RYR3: variants seen among roughly 807,000 people sequenced by gnomAD.
RYR3 encodes the protein brain ryanodine receptor-calcium release channel.
Under a neutral mutation model 584.3 loss-of-function variants are expected in RYR3, and 207 were observed. That is an observed-to-expected ratio of 0.35 (90% CI 0.32 to 0.40). The LOEUF is 0.40. RYR3 is among the 10% of genes least tolerant of loss of function. The probability of loss-of-function intolerance (pLI) is 1.00; values close to 1 mark genes in which losing one functional copy is unlikely to be tolerated. For synonymous variants in RYR3, 2,416 were observed against 2,248.5 expected (o/e 1.07, Z -2.11); for missense variants, 5,616 against 6,089.2 (o/e 0.92, Z 2.59).
chr15:33,720,941 C>G (rs2067861068), intron 43 of RYR3, among the ~76,000 whole-genome samples: 1 of 152,124 alleles, frequency 6.6e-6, no homozygotes, highest in African/African-American at 2.4e-5. Flanking sequence ...TTAAATAGAA[C>G]TTAAACTGCT....
intron 87 of RYR3, 73 bp from the exon 88 acceptor site, chr15:33,836,833 C>T: frequency 2.5e-6 from 3 of 1,196,762 alleles, no homozygotes; most frequent in African/African-American, 1.5e-5. Context: ...CCAGAGCAGG[C>T]TCTTCTCGCT....
chr15:33,489,499 G>C (rs2050786066), intron 2 of RYR3, among the ~76,000 whole-genome samples: 1 of 152,136 alleles, frequency 6.6e-6, no homozygotes, highest in Admixed American at 6.5e-5. Context: ...GAGGATATTA[G>C]CCTCCAGCTC....
chr15:33,407,552 G>A (rs1238720529), intron 1 of RYR3, among the ~76,000 whole-genome samples: 1 of 152,148 alleles, frequency 6.6e-6, no homozygotes, highest in African/African-American at 2.4e-5. Context: ...CTGTGAGGAT[G>A]TTGACTTGTA....
intron 50 of RYR3, among the ~76,000 whole-genome samples, chr15:33,739,602 A>G (rs964643269): frequency 4.2e-5 from 5 of 118,832 alleles, no homozygotes; most frequent in Non-Finnish European, 8.8e-5. Context: ...CTGTTTTAAG[A>G]TTTTTCAACT....
At position 33,757,613 on chromosome 15, in the gene RYR3, A is replaced by C. The variant is rs148404688; in HGVS notation, c.8705+17A>C. The C allele has an allele frequency of 7.1e-3, 11,419 of 1,606,702 alleles. 57 individuals are homozygous for C. The highest frequency in any genetic ancestry group is 8.6e-3 in the Non-Finnish European group (10,064 of 1,176,764). ...GGTGGCCGGGTGAGTCTACAAGATAAAGGGAAGGTGATGGTGCTGATGCAA... is the reference window on the plus strand; with the variant it reads ...GGTGGCCGGGTGAGTCTACAAGATACAGGGAAGGTGATGGTGCTGATGCAA... On this transcript the variant is annotated intron_variant, in intron 60 of 103. Transcript: ENST00000634891.
intron 1 of RYR3, among the ~76,000 whole-genome samples, chr15:33,466,624 C>T (rs937273272): frequency 6.6e-6 from 1 of 152,166 alleles, no homozygotes; most frequent in Non-Finnish European, 1.5e-5. Flanking sequence ...AATCTGTTAA[C>T]CTTTACTTTC....
intron 64 of RYR3, among the ~76,000 whole-genome samples, chr15:33,775,675 C>T (rs2073949188): frequency 6.6e-6 from 1 of 152,192 alleles, no homozygotes; most frequent in Admixed American, 6.5e-5. Context: ...TCCAGGGTTT[C>T]TCTAGGCTAG....
chr15:33,601,391 A>G (rs1433149394), intron 16 of RYR3, 28 bp from the exon 17 acceptor site: 1 of 1,607,922 alleles, frequency 6.2e-7, no homozygotes, highest in Non-Finnish European at 8.5e-7. Flanking sequence ...TGGTGGTCCT[A>G]AGGTTTGGTG....
intron 16 of RYR3, among the ~76,000 whole-genome samples, chr15:33,592,406 A>C (rs1263837985): frequency 1.3e-5 from 2 of 152,150 alleles, no homozygotes; most frequent in Admixed American, 1.3e-4. Context: ...GATGAACTAG[A>C]TGGTACCAGT....
intron 32 of RYR3, among the ~76,000 whole-genome samples, chr15:33,655,684 A>G (rs1195346692): frequency 6.6e-6 from 1 of 152,142 alleles, no homozygotes; most frequent in African/African-American, 2.4e-5. Context: ...TGCCCTTAAG[A>G]ATGCTGCCGC....
rs566524325 is a variant in RYR3 at position 33,692,590 on chromosome 15, C to A, written c.5861-3628C>A. Among the ~76,000 whole-genome samples the A allele has an allele frequency of 2.6e-5, 4 of 151,336 alleles. No homozygotes were observed. In the East Asian group the frequency reaches 7.8e-4, roughly 29 times the overall value. ...GTCAGCAACACAGCGGTAAGTCTTG[C>A]CTCCTTTTCTGGCAGGACCTGGGGA... is the stretch of plus-strand genomic sequence containing the variant. On this transcript the variant is annotated intron_variant, in intron 38 of 103. Transcript: ENST00000634891.
intron 86 of RYR3, among the ~76,000 whole-genome samples, chr15:33,832,382 C>T (rs11635111): frequency 0.19 from 29,019 of 151,982 alleles, 3,023 homozygotes; most frequent in East Asian, 0.25. Flanking sequence ...TGGCCGGGCA[C>T]GGTGGCTCAC....
chr15:33,821,480 C>T (rs2077102779), intron 79 of RYR3, 43 bp from the exon 80 acceptor site: 1 of 1,608,168 alleles, frequency 6.2e-7, no homozygotes, highest in Admixed American at 1.7e-5. Flanking sequence ...CATGATTTAC[C>T]ATCTGTTTCC....
At position 33,636,472 on chromosome 15, in the gene RYR3, A is replaced by T. The variant is rs2061504635; in HGVS notation, c.3478A>T (p.Ile1160Phe). 5.0e-6 allele frequency: 8 copies of T among 1,613,444 alleles called. No homozygotes were observed. The highest frequency in any genetic ancestry group is 5.1e-6 in the Non-Finnish European group (6 of 1,179,704). The change falls in exon 27 of 104, where the codon ATC (isoleucine) becomes TTC (phenylalanine). Residue 1160 changes from isoleucine (I) to phenylalanine (F), a missense_variant. Physicochemically the swap from Ile to Phe is conservative, Grantham distance 21 (BLOSUM62 0). Around this residue, in one of 9 missense-constraint regions of RYR3, gnomAD observed 152 missense variants for 200.9 expected, o/e 0.76. Transcript: ENST00000634891. ...CMINLDDASM[I>F]FTLNGELLIT... ...GATTAACCTGGATGATGCTTCAATGATCTTCACACTGAATGGGGAGCTGCT... is the reference window on the plus strand; with the variant it reads ...GATTAACCTGGATGATGCTTCAATGTTCTTCACACTGAATGGGGAGCTGCT...
chr15:33,597,588 G>A (rs2059436780), intron 16 of RYR3, among the ~76,000 whole-genome samples: 1 of 145,276 alleles, frequency 6.9e-6, no homozygotes, highest in African/African-American at 2.5e-5. Flanking sequence ...TCCAGCCTGG[G>A]CGACAGTGCA....
At chr15:33,770,600 A>G (rs1425841593) in intron 62 of RYR3, among the ~76,000 whole-genome samples, 1 of 152,134 alleles carries the variant, frequency 6.6e-6, no homozygotes, top group African/African-American at 2.4e-5. Flanking sequence ...AATTTTAAAA[A>G]TTATCCAGAC....
In RYR3 at chr15:33,826,511, C is replaced by A. The variant is rs190299832; in HGVS notation, c.11165-161C>A. On this transcript the variant is annotated intron_variant, in intron 83 of 103. Coordinates refer to ENST00000634891, the MANE Select transcript of RYR3 (RefSeq NM_001036.6). ...TGCATTTATTGGGCATTGTGCCTTGCAGCCCAGCTCAGTTTAATTGGGCTT... is the reference window on the plus strand; with the variant it reads ...TGCATTTATTGGGCATTGTGCCTTGAAGCCCAGCTCAGTTTAATTGGGCTT... Among the ~76,000 whole-genome samples the A allele has an allele frequency of 2.0e-5, 3 of 152,348 alleles. No homozygotes were observed. The East Asian group carries it at 5.8e-4, about 29-fold the overall frequency.
intron 38 of RYR3, among the ~76,000 whole-genome samples, chr15:33,673,447 G>T (rs935135938): frequency 1.3e-5 from 2 of 152,192 alleles, no homozygotes; most frequent in Non-Finnish European, 2.9e-5. Context: ...GTTAATGAAA[G>T]CTGTTACAAT....
At chr15:33,566,833 GTT>G in intron 12 of RYR3, 34 bp downstream of exon 12, 1 of 1,612,180 alleles carries the variant, frequency 6.2e-7, no homozygotes, top group Non-Finnish European at 8.5e-7. Context: ...TACCTAGTGA[GTT>G]TGACTCTGTG....
Sources: gnomAD v4.1 joint callset for allele counts (sites outside exome capture counted in the v4.1 genomes callset) on GRCh38, gnomAD v4.1.1 for gene constraint, gnomAD v4.1.1 regional missense constraint, MANE v1.5 for transcripts, NCBI Gene and HGNC (gene_info 2026-07-23, HGNC 2026-07-21) for gene names.